Variants in PMFBP1 observed in about 807,000 individuals in gnomAD.
The protein encoded by PMFBP1 is polyamine-modulated factor 1-binding protein 1.
PMFBP1 carries 131 observed loss-of-function variants against 137.8 expected under a neutral mutation model. That is an observed-to-expected ratio of 0.95 (90% CI 0.82 to 1.10). The LOEUF is 1.10. Ranked by LOEUF, PMFBP1 falls within the 50% of genes least tolerant of loss-of-function variation. The pLI, the probability that PMFBP1 is intolerant of heterozygous loss-of-function variation, is 0.00. For missense variants in PMFBP1, 1,199 were observed against 1,175.4 expected (o/e 1.02, Z -0.29); for synonymous variants, 490 against 450.4 (o/e 1.09, Z -1.11).
chr16:72,186,318 T>C, the PMFBP1 span, among the ~76,000 whole-genome samples: 4 of 152,204 alleles, frequency 2.6e-5, no homozygotes, highest in Non-Finnish European at 5.9e-5. Context: ...TATTCAGAGG[T>C]GCAGTGGATC....
the PMFBP1 span, among the ~76,000 whole-genome samples, chr16:72,243,417 G>A: frequency 1.2e-4 from 19 of 152,126 alleles, no homozygotes; most frequent in African/African-American, 4.3e-4. Context: ...GGGATCTCTG[G>A]AAAAGAATGG....
chr16:72,129,007 G>A, intron 13 of PMFBP1, 59 bp downstream of exon 13: 1 of 1,575,576 alleles, frequency 6.3e-7, no homozygotes, highest in Non-Finnish European at 8.6e-7. Flanking sequence ...GGAGGCCCAG[G>A]TGGGGTCATG....
chr16:72,197,262 G>C, the PMFBP1 span, among the ~76,000 whole-genome samples: 2 of 152,218 alleles, frequency 1.3e-5, no homozygotes, highest in Non-Finnish European at 2.9e-5. Flanking sequence ...GCTTCTGATA[G>C]AGAAAGCACT....
the PMFBP1 span, among the ~76,000 whole-genome samples, chr16:72,246,594 C>T: frequency 6.6e-6 from 1 of 151,934 alleles, no homozygotes; most frequent in Admixed American, 6.6e-5. Context: ...GCTGTAAACA[C>T]CTGTTCATCT....
chr16:72,224,377 C>A, the PMFBP1 span, among the ~76,000 whole-genome samples: 1 of 152,166 alleles, frequency 6.6e-6, no homozygotes, highest in Non-Finnish European at 1.5e-5. Context: ...GATGAAACCA[C>A]GTGACTTCTG....
chr16:72,164,098 G>T (rs1468321685), intron 3 of PMFBP1, among the ~76,000 whole-genome samples: 1 of 152,036 alleles, frequency 6.6e-6, no homozygotes, highest in Non-Finnish European at 1.5e-5. Context: ...ATCAAGTCAG[G>T]TACCGCTGTG....
intron 5 of PMFBP1, among the ~76,000 whole-genome samples, chr16:72,146,198 T>C (rs1465018760): frequency 6.6e-6 from 1 of 152,218 alleles, no homozygotes; most frequent in Non-Finnish European, 1.5e-5. Context: ...GCTTCATCTT[T>C]GGGATGCAAG....
At chr16:72,212,613 T>G in the PMFBP1 span, among the ~76,000 whole-genome samples, 2 of 151,918 alleles carry the variant, frequency 1.3e-5, no homozygotes, top group South Asian at 2.1e-4. Context: ...ATCCAACTGA[T>G]AGGAATTCTA....
At chr16:72,207,863 C>T in the PMFBP1 span, among the ~76,000 whole-genome samples, 1 of 152,096 alleles carries the variant, frequency 6.6e-6, no homozygotes, top group South Asian at 2.1e-4. Flanking sequence ...CCAGGAGAGT[C>T]AATGTGTAGT....
chr16:72,178,737 C>T (rs1433223004), upstream of PMFBP1, among the ~76,000 whole-genome samples: 1 of 152,136 alleles, frequency 6.6e-6, no homozygotes, highest in South Asian at 2.1e-4. Flanking sequence ...CTTTTGGGTA[C>T]GAGATGCTCC....
chr16:72,129,639 A>T (rs955525494), intron 12 of PMFBP1, among the ~76,000 whole-genome samples: 1 of 152,258 alleles, frequency 6.6e-6, no homozygotes, highest in African/African-American at 2.4e-5. Flanking sequence ...ACTATTTAAA[A>T]AATAAATAAA....
the PMFBP1 span, among the ~76,000 whole-genome samples, chr16:72,239,775 C>A: frequency 6.6e-6 from 1 of 151,386 alleles, no homozygotes; most frequent in Non-Finnish European, 1.5e-5. Flanking sequence ...GCCTGTAATC[C>A]CAGCTACTCG....
chr16:72,195,415 C>T, the PMFBP1 span, among the ~76,000 whole-genome samples: 1 of 152,138 alleles, frequency 6.6e-6, no homozygotes, highest in Non-Finnish European at 1.5e-5. Context: ...CACTGAATCT[C>T]TTGCACTTCT....
At chr16:72,207,055 A>C in the PMFBP1 span, among the ~76,000 whole-genome samples, 1 of 141,356 alleles carries the variant, frequency 7.1e-6, no homozygotes, top group Admixed American at 7.0e-5. Flanking sequence ...GTCAGATGGT[A>C]GAGAGGCTTA....
chr16:72,153,302 T>C (rs559960619), intron 4 of PMFBP1, among the ~76,000 whole-genome samples: 1 of 152,346 alleles, frequency 6.6e-6, no homozygotes, highest in Admixed American at 6.5e-5. Context: ...TATTCCCTTT[T>C]TAAAAAGTCT....
the PMFBP1 span, among the ~76,000 whole-genome samples, chr16:72,222,889 G>C: frequency 6.6e-6 from 1 of 152,180 alleles, no homozygotes; most frequent in African/African-American, 2.4e-5. Context: ...GACTCTTAAA[G>C]GAGCAGTAGG....
At chr16:72,195,915 T>C in the PMFBP1 span, among the ~76,000 whole-genome samples, 5,768 of 152,230 alleles carry the variant, frequency 0.038, 331 homozygotes, top group African/African-American at 0.13. Context: ...TTTGTATTCA[T>C]GATTCTGGAC....
chr16:72,164,343 C>T (rs1346103665), intron 3 of PMFBP1: 2 of 1,182,634 alleles, frequency 1.7e-6, no homozygotes, highest in Non-Finnish European at 2.2e-6. Flanking sequence ...CAATAAAGAC[C>T]CCCTGCTACC....
chr16:72,230,595 C>A, the PMFBP1 span, among the ~76,000 whole-genome samples: 2 of 152,152 alleles, frequency 1.3e-5, no homozygotes, highest in African/African-American at 4.8e-5. Flanking sequence ...GCTCTTCCTG[C>A]TGTAACTTCC....
Sources: allele counts gnomAD v4.1 joint callset (sites outside exome capture counted in the v4.1 genomes callset), GRCh38; gene constraint gnomAD v4.1.1; transcripts MANE v1.5; gene names NCBI Gene and HGNC (gene_info 2026-07-23, HGNC 2026-07-21).